SWAP70: variants seen among roughly 807,000 people sequenced by gnomAD.
The protein encoded by SWAP70 is switch-associated protein 70.
In SWAP70, 34 loss-of-function variants were observed where a neutral mutation model predicts 80.2. The ratio of observed to expected loss-of-function variants is 0.42; its 90% confidence interval spans 0.32 to 0.56. The LOEUF (loss-of-function observed/expected upper bound fraction) is 0.56. Ranked by LOEUF, SWAP70 falls within the 20% of genes least tolerant of loss-of-function variation. The probability of loss-of-function intolerance (pLI) is 0.09; values close to 1 mark genes in which losing one functional copy is unlikely to be tolerated. For synonymous variants in SWAP70, 239 were observed against 238.5 expected (o/e 1.00, Z -0.02); for missense variants, 578 against 690.7 (o/e 0.84, Z 1.83).
chr11:9,723,504 A>G, intron 3 of SWAP70, among the ~76,000 whole-genome samples: 1 of 152,196 alleles, frequency 6.6e-6, no homozygotes, highest in Non-Finnish European at 1.5e-5. Context: ...ATAAAACAGC[A>G]GGATTATATC....
At position 9,749,137 on chromosome 11, in the gene SWAP70, G is replaced by T; in HGVS notation, c.1605G>T (p.Lys535Asn). Residue 535 changes from lysine to asparagine, a missense_variant, in exon 11 of 12, where the codon AAG becomes AAT. Lys to Asn is a moderately conservative substitution (Grantham distance 94). Transcript: ENST00000318950. ...CAACTAATAAGACCAAGAGCTGGAA[G>T]GACAAAGTGGCCCATCATGAAGGAT... ...EMATNKTKSWKDKVAHHEGLI... is the reference protein window; with the variant it reads ...EMATNKTKSWNDKVAHHEGLI... The T allele has an allele frequency of 6.2e-7, 1 of 1,612,938 alleles. No individual in the cohort carries two copies. Among genetic ancestry groups the T allele is most frequent in the Non-Finnish European group, 8.5e-7 (1 of 1,179,304 alleles).
intron 7 of SWAP70, among the ~76,000 whole-genome samples, chr11:9,733,777 T>G (rs2133811667): frequency 6.6e-6 from 1 of 152,284 alleles, no homozygotes; most frequent in African/African-American, 2.4e-5. Context: ...TGTGCACACA[T>G]CAAAAGTGGG....
chr11:9,675,309 CAG>C (rs1458540987), intron 1 of SWAP70, among the ~76,000 whole-genome samples: 2 of 115,326 alleles, frequency 1.7e-5, no homozygotes, highest in African/African-American at 6.4e-5. Flanking sequence ...AAGAAAGAAA[CAG>C]AGAGGGAGCG....
intron 2 of SWAP70, among the ~76,000 whole-genome samples, chr11:9,700,372 G>A (rs999588334): frequency 2.0e-5 from 3 of 152,130 alleles, no homozygotes; most frequent in Non-Finnish European, 2.9e-5. Context: ...TTTAAATTGA[G>A]CAAAGATTAG....
At chr11:9,721,981 A>G (rs554925247) in intron 3 of SWAP70, among the ~76,000 whole-genome samples, 84 of 152,384 alleles carry the variant, frequency 5.5e-4, no homozygotes, top group Middle Eastern at 3.4e-3. Context: ...CAAAATAATT[A>G]CATAATCTTC....
chr11:9,672,228 T>TATATATATATGA (rs1554982640), intron 1 of SWAP70, among the ~76,000 whole-genome samples: 3 of 133,738 alleles, frequency 2.2e-5, no homozygotes, highest in African/African-American at 5.5e-5. Context: ...TATATATATA[T>TATATATATATGA]GATTGTAAAG....
At chr11:9,671,499 T>A (rs1249087574) in intron 1 of SWAP70, among the ~76,000 whole-genome samples, 2 of 80,944 alleles carry the variant, frequency 2.5e-5, no homozygotes, top group South Asian at 5.0e-4. Context: ...AATATATATA[T>A]AAATATATAT....
intron 1 of SWAP70, among the ~76,000 whole-genome samples, chr11:9,693,620 G>A (rs778983927): frequency 1.3e-5 from 2 of 151,944 alleles, no homozygotes; most frequent in African/African-American, 2.4e-5. Context: ...TTAATATTTG[G>A]TATATTAATT....
rs540982729 is a variant in SWAP70, at chr11:9,701,360, C to T, written c.240+7074C>T. Among the ~76,000 whole-genome samples, 17 of 151,872 alleles carry T rather than the reference C, an allele frequency of 1.1e-4. No homozygotes were observed. In the South Asian group the frequency reaches 3.3e-3, roughly 30 times the overall value. On this transcript the variant is annotated intron_variant, in intron 2 of 11. Transcript: ENST00000318950. ...CTACTTTTTGTGTTTTTAGTAGAGA[C>T]GGGGTTTCACCATGTTGGCCAGGCT...
chr11:9,671,162 ATATT>A (rs1565109026), intron 1 of SWAP70, among the ~76,000 whole-genome samples: 1 of 125,752 alleles, frequency 8.0e-6, no homozygotes, highest in Non-Finnish European at 1.6e-5. Flanking sequence ...TATATAAAAT[ATATT>A]TATAAATATA....
At chr11:9,674,236 A>G (rs1481390495) in intron 1 of SWAP70, among the ~76,000 whole-genome samples, 1 of 152,140 alleles carries the variant, frequency 6.6e-6, no homozygotes, top group Non-Finnish European at 1.5e-5. Context: ...TCTGAGGCCT[A>G]AAGCACCCCA....
intron 2 of SWAP70, among the ~76,000 whole-genome samples, chr11:9,700,876 A>G (rs1157266833): frequency 2.7e-4 from 41 of 152,014 alleles, no homozygotes; most frequent in Admixed American, 2.7e-3. Context: ...TTTTAAGGTG[A>G]TTCTCTTGTC....
intron 1 of SWAP70, among the ~76,000 whole-genome samples, chr11:9,666,763 C>G (rs1850312118): frequency 7.0e-6 from 1 of 142,388 alleles, no homozygotes; most frequent in South Asian, 2.2e-4. Context: ...TGCGCTCTGT[C>G]ACCCAGGCTA....
At chr11:9,672,498 G>C (rs375211918) in intron 1 of SWAP70, among the ~76,000 whole-genome samples, 1 of 149,514 alleles carries the variant, frequency 6.7e-6, no homozygotes, top group East Asian at 1.9e-4. Flanking sequence ...TGAGTAGCTG[G>C]GACTACGGGT....
At chr11:9,725,683 C>T (rs1363120240) in intron 4 of SWAP70, among the ~76,000 whole-genome samples, 3 of 150,320 alleles carry the variant, frequency 2.0e-5, no homozygotes, top group Admixed American at 6.6e-5. Context: ...ACAATTCTCC[C>T]GCCTCAGCCT....
At chr11:9,714,990 T>A (rs1851047964) in intron 3 of SWAP70, among the ~76,000 whole-genome samples, 2 of 148,830 alleles carry the variant, frequency 1.3e-5, no homozygotes, top group Non-Finnish European at 3.0e-5. Context: ...TTTTTTTTTT[T>A]AAGAAACGGG....
intron 2 of SWAP70, among the ~76,000 whole-genome samples, chr11:9,702,976 A>G (rs1850852328): frequency 6.6e-6 from 1 of 152,184 alleles, no homozygotes; most frequent in South Asian, 2.1e-4. Flanking sequence ...TTTAACATGT[A>G]CCATTTAGTG....
intron 9 of SWAP70, among the ~76,000 whole-genome samples, chr11:9,743,273 C>T (rs1380623821): frequency 6.7e-6 from 1 of 148,274 alleles, no homozygotes; most frequent in African/African-American, 2.6e-5. Flanking sequence ...TGTATATGTG[C>T]CACATTTTCT....
At chr11:9,722,329 C>A (rs1193562798) in intron 3 of SWAP70, among the ~76,000 whole-genome samples, 2 of 152,178 alleles carry the variant, frequency 1.3e-5, no homozygotes, top group Non-Finnish European at 2.9e-5. Flanking sequence ...GGACATGGTT[C>A]CTCCTACAAG....
Sources: allele counts gnomAD v4.1 joint callset (sites outside exome capture counted in the v4.1 genomes callset), GRCh38; gene constraint gnomAD v4.1.1; transcripts MANE v1.5; gene names NCBI Gene and HGNC (gene_info 2026-07-23, HGNC 2026-07-21).